The following PDE1C variants were observed in gnomAD, a reference collection of about 807,000 sequenced individuals.
PDE1C encodes the protein phosphodiesterase 1C.
In PDE1C, 62 loss-of-function variants were observed where a neutral mutation model predicts 93.1. The observed-to-expected ratio is 0.67, with a 90% CI of 0.54 to 0.82. The LOEUF (loss-of-function observed/expected upper bound fraction) is 0.82. Among genes scored for constraint, PDE1C ranks in the 40% least tolerant of loss-of-function variants. PDE1C has a pLI of 0.00. For synonymous variants in PDE1C, 325 were observed against 310.1 expected (o/e 1.05, Z -0.50); for missense variants, 742 against 884.6 (o/e 0.84, Z 2.04).
chr7:32,137,031 A>G (rs32310), intron 3 of PDE1C, among the ~76,000 whole-genome samples: 105,335 of 152,076 alleles, frequency 0.69, 37,224 homozygotes, highest in Middle Eastern at 0.81. Flanking sequence ...TGATCACAGA[A>G]TCATGTATTC....
rs32299 is a variant in PDE1C, at chr7:32,123,795, C to A, written c.308+45990G>T. ...TAAGCATTCCTTTAGAAAACTGGTA[C>A]AAGACAAGGATGCCCTCTCTTACCA... On this transcript the variant is annotated intron_variant, in intron 3 of 18. Transcript: ENST00000396193. Among the ~76,000 whole-genome samples the A allele has an allele frequency of 2.4e-3, 362 of 152,216 alleles. 2 individuals are homozygous for A. Among genetic ancestry groups the A allele is most frequent in the African/African-American group, 8.5e-3 (353 of 41,538 alleles).
chr7:32,292,574 T>A (rs1812403206), intron 1 of PDE1C, among the ~76,000 whole-genome samples: 1 of 152,186 alleles, frequency 6.6e-6, no homozygotes, highest in Admixed American at 6.5e-5. Context: ...ATTTATTATG[T>A]CCATTTTACA....
chr7:32,115,004 A>G (rs962336170), intron 3 of PDE1C, among the ~76,000 whole-genome samples: 1 of 152,192 alleles, frequency 6.6e-6, no homozygotes, highest in African/African-American at 2.4e-5. Flanking sequence ...GAACACTTTT[A>G]CACTATTGGT....
intron 2 of PDE1C, among the ~76,000 whole-genome samples, chr7:31,907,070 G>GGTGGGTGTGT (rs1554404870): frequency 6.9e-6 from 1 of 145,206 alleles, no homozygotes; most frequent in Admixed American, 6.9e-5. Context: ...TGATATGTGG[G>GGTGGGTGTGT]GTGTGTGTGT....
intron 2 of PDE1C, among the ~76,000 whole-genome samples, chr7:31,899,981 C>A (rs546200620): frequency 1.3e-5 from 2 of 152,266 alleles, no homozygotes; most frequent in South Asian, 4.1e-4. Flanking sequence ...CACAGGACAG[C>A]CCCACAGCAA....
chr7:31,687,359 T>G, the PDE1C span: 1 of 152,284 alleles, frequency 6.6e-6, no homozygotes, highest in African/African-American at 2.4e-5. Context: ...AAAAGCAAGT[T>G]TCCAGTCAGT....
intron 1 of PDE1C, among the ~76,000 whole-genome samples, chr7:32,330,705 C>A (rs1783495939): frequency 6.6e-6 from 1 of 152,168 alleles, no homozygotes; most frequent in South Asian, 2.1e-4. Context: ...CCATGATTCG[C>A]TTCACTCTGG....
chr7:31,695,732 C>T, the PDE1C span: 52 of 1,049,524 alleles, frequency 5.0e-5, no homozygotes, highest in Non-Finnish European at 7.2e-5. Context: ...GTAATTTGTG[C>T]ACTCCCCACC....
At position 32,185,320 on chromosome 7, in the gene PDE1C, C is replaced by G. The variant is rs77747973; in HGVS notation, c.137-15364G>C. ...TACTCAGATAGGTTCTATTTGGTCACGTTATATTGTTACTAGAATATACTT... is the reference window on the plus strand; with the variant it reads ...TACTCAGATAGGTTCTATTTGGTCAGGTTATATTGTTACTAGAATATACTT... On this transcript the variant is annotated intron_variant, in intron 2 of 18. Coordinates refer to the PDE1C transcript ENST00000396193. Among the ~76,000 whole-genome samples the G allele has an allele frequency of 1.7e-3, 262 of 150,770 alleles. 10 individuals are homozygous for G. The East Asian group carries it at 0.029, about 17-fold the overall frequency.
At chr7:32,072,487 T>C (rs1228725029), upstream of PDE1C, among the ~76,000 whole-genome samples, 1 of 152,188 alleles carries the variant, frequency 6.6e-6, no homozygotes, top group Non-Finnish European at 1.5e-5. Flanking sequence ...AAATAGAATG[T>C]CACAAGAGGA....
intron 2 of PDE1C, among the ~76,000 whole-genome samples, chr7:32,171,950 A>C (rs922806023): frequency 5.3e-5 from 8 of 149,912 alleles, no homozygotes; most frequent in African/African-American, 2.0e-4. Context: ...TTAATAATAC[A>C]GGAAACTGCG....
intron 2 of PDE1C, among the ~76,000 whole-genome samples, chr7:32,020,228 A>G (rs1196125726): frequency 1.3e-5 from 2 of 152,096 alleles, no homozygotes; most frequent in Non-Finnish European, 2.9e-5. Flanking sequence ...TGCACCTTCA[A>G]TAAGCATTTG....
At chr7:32,426,103 T>A (rs762526104) in intron 1 of PDE1C, among the ~76,000 whole-genome samples, 11 of 152,174 alleles carry the variant, frequency 7.2e-5, no homozygotes, top group Non-Finnish European at 1.0e-4. Context: ...CTATATTAGG[T>A]GGACCATGAC....
intron 2 of PDE1C, among the ~76,000 whole-genome samples, chr7:31,913,254 C>G (rs1406730474): frequency 1.3e-5 from 2 of 152,140 alleles, no homozygotes; most frequent in African/African-American, 4.8e-5. Context: ...CATTTTAGCT[C>G]CCTGTGTAGT....
At position 31,753,512 on chromosome 7, in the gene PDE1C, C is replaced by T. The variant is rs753425101; in HGVS notation, c.2002G>A (p.Ala668Thr). The stretch of plus-strand genomic sequence containing the variant: ...ACTGAAGGTGCATAGGAGCTAGATG[C>T]GTAAGCAGGGCGTTTAAAATGACGC... The part of the protein sequence containing the change: ...PLRHFKRPAY[A>T]SSSYAPSVSK... The change falls in exon 18 of 18, where the codon GCA (alanine) becomes ACA (threonine). Residue 668 changes from alanine (A) to threonine (T), a missense_variant. Around this residue, in one of 4 missense-constraint regions of PDE1C, gnomAD observed 454 missense variants for 459.4 expected, o/e 0.99. Coordinates refer to ENST00000396191, the MANE Select transcript of PDE1C (RefSeq NM_001191057.4). 9.9e-6 allele frequency: 16 copies of T among 1,611,452 alleles called. No homozygotes were observed. Among genetic ancestry groups the T allele is most frequent in the African/African-American group, 1.3e-5 (1 of 74,888 alleles).
At chr7:31,832,984 T>C (rs1013580823) in intron 11 of PDE1C, among the ~76,000 whole-genome samples, 1 of 152,192 alleles carries the variant, frequency 6.6e-6, no homozygotes, top group African/African-American at 2.4e-5. Context: ...TTTGGCTGTG[T>C]TCTCCCACCC....
chr7:31,651,496 A>G, the PDE1C span, among the ~76,000 whole-genome samples: 1 of 152,182 alleles, frequency 6.6e-6, no homozygotes, highest in Non-Finnish European at 1.5e-5. Flanking sequence ...ACAGGCAGTC[A>G]GGGGCATTGA....
intron 1 of PDE1C, among the ~76,000 whole-genome samples, chr7:32,310,508 C>G (rs1257093862): frequency 6.6e-6 from 1 of 152,106 alleles, no homozygotes; most frequent in Non-Finnish European, 1.5e-5. Flanking sequence ...GGAAGTAAAG[C>G]TCTCCTCAGC....
intron 2 of PDE1C, among the ~76,000 whole-genome samples, chr7:32,205,154 C>T (rs910184936): frequency 6.6e-6 from 1 of 152,228 alleles, no homozygotes; most frequent in Non-Finnish European, 1.5e-5. Flanking sequence ...GCCCCAGCTT[C>T]ATCCAGCAAT....
Sources: gnomAD v4.1 joint callset for allele counts (sites outside exome capture counted in the v4.1 genomes callset) on GRCh38, gnomAD v4.1.1 for gene constraint, gnomAD v4.1.1 regional missense constraint, MANE v1.5 for transcripts, NCBI Gene and HGNC (gene_info 2026-07-23, HGNC 2026-07-21) for gene names.